The following NR2F1-AS1 variants were observed in gnomAD, a reference collection of about 807,000 sequenced individuals.
NR2F1-AS1 encodes NR2F1 regulatory antisense RNA 1, also known as NR2F1 antisense RNA 1.
upstream of NR2F1-AS1, among the ~76,000 whole-genome samples, chr5:93,581,671 T>C (rs1024339536): frequency 5.5e-4 from 8 of 14,676 alleles, no homozygotes; most frequent in South Asian, 3.9e-3. Context: ...GGTCTCGGTC[T>C]CTCTCTCTCT....
At chr5:93,467,282 CAT>C (rs749443734) in intron 4 of NR2F1-AS1, among the ~76,000 whole-genome samples, 5 of 152,172 alleles carry the variant, frequency 3.3e-5, no homozygotes, top group Non-Finnish European at 7.3e-5. Context: ...GAAAAAAACT[CAT>C]ATGATGCAGG....
At chr5:93,481,413 A>G (rs984119968) in intron 4 of NR2F1-AS1, among the ~76,000 whole-genome samples, 1 of 152,120 alleles carries the variant, frequency 6.6e-6, no homozygotes, top group African/African-American at 2.4e-5. Context: ...AGGCTAGAAG[A>G]CAGGACAATT....
At chr5:93,427,189 A>C (rs1416861734) in intron 4 of NR2F1-AS1, among the ~76,000 whole-genome samples, 1 of 152,192 alleles carries the variant, frequency 6.6e-6, no homozygotes, top group Non-Finnish European at 1.5e-5. Flanking sequence ...AAGTGAAAAA[A>C]ATTTAAAGAA....
chr5:93,453,625 C>T (rs1749884217), intron 4 of NR2F1-AS1, among the ~76,000 whole-genome samples: 1 of 151,934 alleles, frequency 6.6e-6, no homozygotes, highest in Admixed American at 6.6e-5. Context: ...ACATTTTGTG[C>T]AGAAGAATAA....
chr5:93,549,777 T>C (rs780306460), intron 4 of NR2F1-AS1, among the ~76,000 whole-genome samples: 8 of 152,100 alleles, frequency 5.3e-5, no homozygotes, highest in Non-Finnish European at 1.0e-4. Flanking sequence ...TGGAATACTA[T>C]GCAGCCATAA....
upstream of NR2F1-AS1, among the ~76,000 whole-genome samples, chr5:93,582,456 G>C (rs765775755): frequency 4.6e-5 from 7 of 151,874 alleles, no homozygotes; most frequent in Non-Finnish European, 1.0e-4. Flanking sequence ...TAAAAAATAG[G>C]GAGATCCTAC....
chr5:93,451,320 GAAA>G (rs35059457), intron 4 of NR2F1-AS1, among the ~76,000 whole-genome samples: 2 of 78,698 alleles, frequency 2.5e-5, no homozygotes, highest in Non-Finnish European at 5.8e-5. Flanking sequence ...TAGGGTTTTT[GAAA>G]AAAAAAAAAA....
chr5:93,512,417 A>G (rs187877611), intron 4 of NR2F1-AS1, among the ~76,000 whole-genome samples: 7 of 152,334 alleles, frequency 4.6e-5, no homozygotes, highest in African/African-American at 1.7e-4. Flanking sequence ...ATGTTTTTAA[A>G]AAGTTTATAA....
At chr5:93,563,982 G>T (rs1043782990) in intron 1 of NR2F1-AS1, among the ~76,000 whole-genome samples, 1 of 151,354 alleles carries the variant, frequency 6.6e-6, no homozygotes, top group Non-Finnish European at 1.5e-5. Context: ...GGCGCCTGTA[G>T]TTCCAGCTAC....
intron 4 of NR2F1-AS1, among the ~76,000 whole-genome samples, chr5:93,422,914 G>C (rs1265510288): frequency 1.3e-5 from 2 of 152,174 alleles, no homozygotes; most frequent in Non-Finnish European, 2.9e-5. Flanking sequence ...AAGGTGCCAA[G>C]TGGTGAAGAC....
chr5:93,513,105 A>G (rs913384032), intron 4 of NR2F1-AS1, among the ~76,000 whole-genome samples: 1 of 152,182 alleles, frequency 6.6e-6, no homozygotes, highest in Non-Finnish European at 1.5e-5. Flanking sequence ...AATCAAAACC[A>G]CAGTGAGATG....
intron 4 of NR2F1-AS1, among the ~76,000 whole-genome samples, chr5:93,479,847 T>A (rs1468982998): frequency 8.8e-6 from 1 of 113,976 alleles, no homozygotes; most frequent in African/African-American, 4.3e-5. Flanking sequence ...TAGAAATTAT[T>A]TTTTTTTAAA....
chr5:93,438,694 A>G (rs568846816), intron 4 of NR2F1-AS1: 3 of 152,366 alleles, frequency 2.0e-5, no homozygotes, highest in South Asian at 2.1e-4. Flanking sequence ...TTTCAAAGCC[A>G]GGACTTACAT....
At chr5:93,572,452 C>G (rs1447610807) in intron 1 of NR2F1-AS1, among the ~76,000 whole-genome samples, 1 of 152,254 alleles carries the variant, frequency 6.6e-6, no homozygotes, top group Non-Finnish European at 1.5e-5. Flanking sequence ...CTCCGTGCTC[C>G]TCTTCGCCTA....
chr5:93,525,784 A>C (rs1263310356), intron 4 of NR2F1-AS1, among the ~76,000 whole-genome samples: 3 of 152,236 alleles, frequency 2.0e-5, no homozygotes, highest in Non-Finnish European at 4.4e-5. Flanking sequence ...TTAAGGTAGA[A>C]ATAAATAAGT....
chr5:93,429,744 G>T (rs1057501070), intron 4 of NR2F1-AS1, among the ~76,000 whole-genome samples: 22 of 152,168 alleles, frequency 1.4e-4, no homozygotes, highest in Admixed American at 1.4e-3. Context: ...ATATGGTAAA[G>T]AATTGATGGA....
At chr5:93,559,753 T>C (rs1378991217) in intron 2 of NR2F1-AS1, among the ~76,000 whole-genome samples, 5 of 152,234 alleles carry the variant, frequency 3.3e-5, no homozygotes, top group Admixed American at 1.3e-4. Context: ...GCAGTCAGAA[T>C]ACACACATTT....
chr5:93,550,692 C>G (rs1240875454), intron 4 of NR2F1-AS1, among the ~76,000 whole-genome samples: 1 of 152,162 alleles, frequency 6.6e-6, no homozygotes, highest in Non-Finnish European at 1.5e-5. Flanking sequence ...GCAGGAATTA[C>G]ATTGTGTTGT....
At chr5:93,550,544 A>G (rs1400443879) in intron 4 of NR2F1-AS1, among the ~76,000 whole-genome samples, 2 of 152,230 alleles carry the variant, frequency 1.3e-5, no homozygotes, top group Non-Finnish European at 2.9e-5. Flanking sequence ...ACTGTTTTGC[A>G]ACTAGGCTCA....
Sources: allele counts gnomAD v4.1 joint callset (sites outside exome capture counted in the v4.1 genomes callset), GRCh38; gene constraint gnomAD v4.1.1; transcripts MANE v1.5; gene names NCBI Gene and HGNC (gene_info 2026-07-23, HGNC 2026-07-21).